MGAM2: variants seen among roughly 807,000 people sequenced by gnomAD.
The protein encoded by MGAM2 is maltase-glucoamylase 2 (putative).
MGAM2 carries 98 observed loss-of-function variants against 96.1 expected under a neutral mutation model. The observed-to-expected ratio is 1.02, with a 90% CI of 0.87 to 1.21. The LOEUF (loss-of-function observed/expected upper bound fraction) is 1.21, where lower values mean the gene tolerates loss of function less well. Ranked by LOEUF, MGAM2 falls within the 50% of genes most tolerant of loss-of-function variation. The pLI is 0.00. For missense variants in MGAM2, 2,055 were observed against 1,182.4 expected, an observed-to-expected ratio of 1.74 and a Z score of -10.82; for synonymous variants, 749 against 414.8, an observed-to-expected ratio of 1.81 and a Z score of -9.79.
At chr7:142,117,035 C>T (rs1817431796) in intron 2 of MGAM2, 56 bp downstream of exon 2, 1 of 701,162 alleles carries the variant, frequency 1.4e-6, no homozygotes, top group Non-Finnish European at 2.6e-6. Context: ...CCTGTAAACG[C>T]CAAAGAGATT....
At position 142,144,880 on chromosome 7, in the gene MGAM2, G is replaced by C; in HGVS notation, c.1451G>C (p.Ser484Thr). 1.4e-6 allele frequency: 1 copy of C among 702,608 alleles called. No homozygotes were observed. The highest frequency in any genetic ancestry group is 2.6e-6 in the Non-Finnish European group (1 of 384,800). The allele number at this position is 702,608 out of a possible 1,614,324, so 43.5% of individuals were successfully genotyped here. A position where few individuals can be genotyped will look rare whatever the true frequency, so the allele number is the denominator to read the frequency against. The change falls in exon 14 of 48, where the codon AGC becomes ACC. Residue 484 changes from serine to threonine, a missense_variant. Transcript: ENST00000477922. The stretch of plus-strand genomic sequence containing the variant: ...TTGAAGGAAATGAATGAAGTATCTA[G>C]CTTACTCCAAGCTTCTAATAACCAG... ...GVWIEMNEVSSLLQASNNQCE... is the reference protein window; with the variant it reads ...GVWIEMNEVSTLLQASNNQCE...
chr7:142,170,012 G>A, intron 26 of MGAM2, 63 bp from the exon 27 acceptor site: 1 of 641,966 alleles, frequency 1.6e-6, no homozygotes, highest in Non-Finnish European at 2.8e-6. Context: ...AATTATATGG[G>A]GTGGCATGAG....
rs1299784748 is a variant in MGAM2 at position 142,160,172 on chromosome 7, G to T, written c.2259G>T (p.Met753Ile). 1.4e-6 allele frequency: 1 copy of T among 702,736 alleles called. No individual in the cohort carries two copies. Among genetic ancestry groups the T allele is most frequent in the Admixed American group, 2.0e-5 (1 of 49,986 alleles). The allele number at this position is 702,736 out of a possible 1,614,324, so 43.5% of individuals were successfully genotyped here. The change falls in exon 21 of 48, where the codon ATG becomes ATT. Residue 753 changes from methionine to isoleucine, a missense_variant. Coordinates refer to ENST00000477922, the MANE Select transcript of MGAM2 (RefSeq NM_001293626.2). ...CATGGAGGAAACAGTTGGTGAATATGCTTCTCCCAGGTGACAAGATAGGAC... is the reference window on the plus strand; with the variant it reads ...CATGGAGGAAACAGTTGGTGAATATTCTTCTCCCAGGTGACAAGATAGGAC... ...AISWRKQLVN[M>I]LLPGDKIGLH...
chr7:142,195,303 G>C (rs1215784411), intron 37 of MGAM2, among the ~76,000 whole-genome samples: 1 of 149,936 alleles, frequency 6.7e-6, no homozygotes. Flanking sequence ...CAAGGTGCTG[G>C]GATTACATGT....
chr7:142,187,389 T>TGGGGACTTGTATCAA (rs1353876590), intron 35 of MGAM2, among the ~76,000 whole-genome samples: 2 of 152,222 alleles, frequency 1.3e-5, no homozygotes, highest in Admixed American at 6.5e-5. Context: ...CTACCTCTGT[T>TGGGGACTTGTATCAA]GGGGAGTTGT....
chr7:142,134,395 A>T (rs1794994038), intron 7 of MGAM2, among the ~76,000 whole-genome samples: 1 of 152,204 alleles, frequency 6.6e-6, no homozygotes, highest in South Asian at 2.1e-4. Flanking sequence ...TTCACTTTTA[A>T]TGGGAAATAC....
chr7:142,180,544 G>A (rs1001521117), intron 32 of MGAM2, among the ~76,000 whole-genome samples: 3 of 152,056 alleles, frequency 2.0e-5, no homozygotes, highest in Non-Finnish European at 2.9e-5. Context: ...ATATTTCATA[G>A]GGATTCTCTG....
At chr7:142,169,570 C>T (rs1027913988) in intron 26 of MGAM2, among the ~76,000 whole-genome samples, 1 of 152,188 alleles carries the variant, frequency 6.6e-6, no homozygotes, top group East Asian at 1.9e-4. Context: ...TCCCACACTT[C>T]AGTCCTGTTA....
Position 142,164,847 on chromosome 7 carries a change from C to G in MGAM2, c.2485-9C>G. ...TGGTTTCCAATCTGACTTTTTTTTCCCCTCCCAGAACCATCTACAAGCAAA... is the reference window on the plus strand; with the variant it reads ...TGGTTTCCAATCTGACTTTTTTTTCGCCTCCCAGAACCATCTACAAGCAAA... On this transcript the variant is annotated splice_polypyrimidine_tract_variant and intron_variant, in intron 23 of 47. Coordinates refer to ENST00000477922, the MANE Select transcript of MGAM2 (RefSeq NM_001293626.2). 1 of 663,720 alleles carries G rather than the reference C, an allele frequency of 1.5e-6. No individual in the cohort carries two copies. The allele number at this position is 663,720 out of a possible 1,614,324, so 41.1% of individuals were successfully genotyped here. A position where few individuals can be genotyped will look rare whatever the true frequency, so the allele number is the denominator to read the frequency against.
intron 45 of MGAM2, among the ~76,000 whole-genome samples, chr7:142,204,510 G>T (rs772186996): frequency 6.6e-6 from 1 of 151,946 alleles, no homozygotes; most frequent in Non-Finnish European, 1.5e-5. Context: ...ATCTAGGTTT[G>T]AATACCATCT....
intron 46 of MGAM2, among the ~76,000 whole-genome samples, chr7:142,218,051 T>A (rs995827495): frequency 2.0e-5 from 3 of 152,068 alleles, no homozygotes; most frequent in African/African-American, 7.2e-5. Flanking sequence ...GCCATTGCAC[T>A]CCAGCCTGGG....
chr7:142,121,189 T>C (rs1403748778), intron 3 of MGAM2, among the ~76,000 whole-genome samples: 2 of 150,228 alleles, frequency 1.3e-5, no homozygotes, highest in Non-Finnish European at 3.0e-5. Flanking sequence ...TTTCTTTTCT[T>C]TTTTTTGAGA....
In MGAM2 at chr7:142,194,707, T is replaced by C. The variant is rs572493028; in HGVS notation, c.4347-1447T>C. ...TAGAACATGTGTGTATGTGTGTGTG[T>C]GTGTGTGTGTGTGTGTGTGTGTATT... On this transcript the variant is annotated intron_variant, in intron 37 of 47. Transcript: ENST00000477922. Among the ~76,000 whole-genome samples, 18 of 151,988 alleles carry C rather than the reference T, an allele frequency of 1.2e-4. No homozygotes were observed. The South Asian group carries it at 3.3e-3, about 28-fold the overall frequency.
At chr7:142,133,909 G>A in intron 6 of MGAM2, 72 bp from the exon 7 acceptor site, 1 of 627,414 alleles carries the variant, frequency 1.6e-6, no homozygotes, top group Non-Finnish European at 2.9e-6. Flanking sequence ...TATGTGGAAA[G>A]GAGAAGATAG....
intron 24 of MGAM2, among the ~76,000 whole-genome samples, 165 bp downstream of exon 24, chr7:142,165,188 G>C (rs1430138300): frequency 6.6e-6 from 1 of 152,176 alleles, no homozygotes; most frequent in African/African-American, 2.4e-5. Context: ...GCTAAAGAAA[G>C]ACCTCTCTGC....
chr7:142,200,407 A>G (rs1797184062), intron 45 of MGAM2, among the ~76,000 whole-genome samples: 1 of 152,210 alleles, frequency 6.6e-6, no homozygotes, highest in African/African-American at 2.4e-5. Context: ...TTTCTTGGTG[A>G]CTCATAAATT....
chr7:142,117,743 T>C (rs1817464357), intron 2 of MGAM2, among the ~76,000 whole-genome samples: 1 of 152,172 alleles, frequency 6.6e-6, no homozygotes, highest in South Asian at 2.1e-4. Flanking sequence ...AAACCATTGA[T>C]ATAAGCCATT....
intron 32 of MGAM2, among the ~76,000 whole-genome samples, chr7:142,181,812 CTGATATGGTGCCA>C (rs1453854754): frequency 6.6e-6 from 1 of 152,176 alleles, no homozygotes; most frequent in African/African-American, 2.4e-5. Context: ...AGGGGTGCAG[CTGATATGGTGCCA>C]TGATCCAGTA....
intron 32 of MGAM2, among the ~76,000 whole-genome samples, chr7:142,182,424 A>G (rs570584048): frequency 2.6e-5 from 4 of 152,268 alleles, no homozygotes; most frequent in African/African-American, 9.6e-5. Context: ...AGGAAAGACA[A>G]CGCTGCTGTC....
Sources: gnomAD v4.1 joint callset for allele counts (sites outside exome capture counted in the v4.1 genomes callset) on GRCh38, gnomAD v4.1.1 for gene constraint, MANE v1.5 for transcripts, NCBI Gene and HGNC (gene_info 2026-07-23, HGNC 2026-07-21) for gene names.